The following ADGB variants were observed in gnomAD, a reference collection of about 807,000 sequenced individuals.
ADGB encodes the protein androglobin.
In ADGB, 172 loss-of-function variants were observed where a neutral mutation model predicts 210.5. The observed-to-expected ratio is 0.82, with a 90% CI of 0.72 to 0.93. ADGB has a LOEUF of 0.93. Ranked by LOEUF, ADGB falls within the 40% of genes least tolerant of loss-of-function variation. The probability of loss-of-function intolerance (pLI) is 0.00; values close to 1 mark genes in which losing one functional copy is unlikely to be tolerated. For missense variants in ADGB, 2,025 were observed against 1,964.8 expected, an observed-to-expected ratio of 1.03 and a Z score of -0.58; for synonymous variants, 658 against 662.7, an observed-to-expected ratio of 0.99 and a Z score of 0.11.
chr6:146,761,793 A>T (rs1777493585), intron 27 of ADGB, among the ~76,000 whole-genome samples: 1 of 152,102 alleles, frequency 6.6e-6, no homozygotes, highest in African/African-American at 2.4e-5. Context: ...ATGAACATTC[A>T]TTCCCTTACA....
intron 2 of ADGB, chr6:146,638,961 T>C (rs915211839): frequency 6.6e-6 from 1 of 151,974 alleles, no homozygotes; most frequent in Non-Finnish European, 1.5e-5. Context: ...ATCCTTGCTG[T>C]TGTGCAAGCC....
chr6:146,700,146 TAGTGAGCCTTTGAA>T (rs1315963458), intron 12 of ADGB, among the ~76,000 whole-genome samples: 3 of 152,206 alleles, frequency 2.0e-5, no homozygotes, highest in African/African-American at 7.2e-5. Context: ...GCCTGTTTTT[TAGTGAGCCTTTGAA>T]AGTGACTGCT....
chr6:146,732,903 C>T (rs554086908), intron 20 of ADGB, among the ~76,000 whole-genome samples: 7 of 152,048 alleles, frequency 4.6e-5, no homozygotes, highest in East Asian at 1.9e-4. Flanking sequence ...ATATTATAAA[C>T]GTTGTAGTGA....
intron 25 of ADGB, 78 bp downstream of exon 25, chr6:146,741,349 G>T: frequency 1.5e-6 from 2 of 1,366,992 alleles, no homozygotes; most frequent in Non-Finnish European, 2.0e-6. Flanking sequence ...CCTGAAGGGA[G>T]GGTAGAGTTG....
At position 146,644,805 on chromosome 6, in the gene ADGB, G is replaced by A; in HGVS notation, c.270G>A (p.Glu90=). Residue 90 remains glutamate (E), a synonymous_variant, in exon 3 of 36, where the codon GAG becomes GAA. Transcript: ENST00000397944. ...HFFEDPEGKI[E]LPPSLKIYSW... The stretch of plus-strand genomic sequence containing the variant: ...TTGAGGACCCTGAAGGAAAGATTGA[G>A]TTACCACCATCCTTGAAAATTTATT... 1 of 1,488,496 alleles carries A rather than the reference G, an allele frequency of 6.7e-7. No homozygotes were observed. The highest frequency in any genetic ancestry group is 1.4e-5 in the South Asian group (1 of 69,686). The allele number at this position is 1,488,496 out of a possible 1,614,324, so 92.2% of individuals were successfully genotyped here.
chr6:146,770,129 TG>T (rs1777629955), intron 29 of ADGB, among the ~76,000 whole-genome samples: 5 of 152,196 alleles, frequency 3.3e-5, no homozygotes, highest in Admixed American at 3.3e-4. Context: ...CAATATTAGC[TG>T]AATGAGTAAA....
In ADGB at chr6:146,654,512, C is replaced by T. The variant is rs1272300493; in HGVS notation, c.402+306C>T. 3.3e-5 allele frequency among the ~76,000 whole-genome samples: 5 copies of T among 152,024 alleles called. No individual in the cohort carries two copies. In the East Asian group the frequency reaches 5.8e-4, roughly 18 times the overall value. ...GGACTACAGGGATGTGCCATCTCCC[C>T]CAGCTAATTTTAAATTTTTTGGTAG... is the stretch of plus-strand genomic sequence containing the variant. On this transcript the variant is annotated intron_variant, in intron 4 of 35. Coordinates refer to ENST00000397944, the MANE Select transcript of ADGB (RefSeq NM_024694.4).
chr6:146,617,137 G>A (rs1410173666), intron 1 of ADGB, among the ~76,000 whole-genome samples: 2 of 151,622 alleles, frequency 1.3e-5, no homozygotes, highest in Non-Finnish European at 2.9e-5. Context: ...GTGTTTTTTA[G>A]TTTTCTTTGT....
chr6:146,668,084 C>T lies in ADGB; in HGVS notation c.839+1182C>T, dbSNP rs550914223. 5.9e-5 allele frequency among the ~76,000 whole-genome samples: 9 copies of T among 152,104 alleles called. No homozygotes were observed. In the South Asian group the frequency reaches 6.2e-4, roughly 11 times the overall value. ...AACTTAGTGCTGACTTATAATTTCA[C>T]GATCGTTTTATTTAATACATAAGGA... is the stretch of plus-strand genomic sequence containing the variant. On this transcript the variant is annotated intron_variant, in intron 7 of 35. Transcript: ENST00000397944.
chr6:146,784,649 C>T lies in ADGB; in HGVS notation c.4067C>T (p.Pro1356Leu). ...ACTGTTCACCCTCAACAAGAAGACC[C>T]AAATAAACCCTACTGGATTTTGAGG... ...ISTVHPQQED[P>L]NKPYWILRLV... is the part of the protein sequence containing the mutation. The change falls in exon 31 of 36, where the codon CCA becomes CTA. Residue 1356 changes from proline to leucine, a missense_variant. Physicochemically the swap from Pro to Leu is moderately conservative, Grantham distance 98. Coordinates refer to ENST00000397944, the MANE Select transcript of ADGB (RefSeq NM_024694.4). 2.6e-6 allele frequency: 4 copies of T among 1,549,522 alleles called. No homozygotes were observed. The highest frequency in any genetic ancestry group is 1.7e-4 in the Middle Eastern group (1 of 5,980).
At position 146,691,428 on chromosome 6, in the gene ADGB, A is replaced by ATTTATATATATATT. The variant is rs1245402991; in HGVS notation, c.1486+139_1486+140insTTATATATATATTT. 7.6e-5 allele frequency: 3 copies of ATTTATATATATATT among 39,692 alleles called. No individual in the cohort carries two copies. The East Asian group carries it at 1.8e-3, about 24-fold the overall frequency. 2.5% of individuals were successfully genotyped at this position (39,692 alleles called of 1,614,324 possible). On this transcript the variant is annotated intron_variant, in intron 11 of 35. Transcript: ENST00000397944. ...CTATGTTTAATATATATATATATATATATATATATATATAAAAATATATAT... is the reference window on the plus strand; with the variant it reads ...CTATGTTTAATATATATATATATATATTTATATATATATTTATATATATATATAAAAATATATAT...
chr6:146,787,547 G>C (rs998762145), intron 32 of ADGB, among the ~76,000 whole-genome samples: 2 of 151,668 alleles, frequency 1.3e-5, no homozygotes, highest in African/African-American at 2.4e-5. Flanking sequence ...TCCTCAATCA[G>C]TCTTGCTCTA....
At chr6:146,675,821 A>G (rs1257050145) in intron 8 of ADGB, among the ~76,000 whole-genome samples, 1 of 152,180 alleles carries the variant, frequency 6.6e-6, no homozygotes, top group Non-Finnish European at 1.5e-5. Flanking sequence ...AGGCAATAAG[A>G]TGCTGGTTTG....
chr6:146,692,394 T>C (rs1166223645), intron 11 of ADGB, among the ~76,000 whole-genome samples: 1 of 152,182 alleles, frequency 6.6e-6, no homozygotes, highest in Non-Finnish European at 1.5e-5. Flanking sequence ...TGCTACAGTT[T>C]TTGTTCTTCC....
At chr6:146,776,208 G>A (rs1462755967) in intron 29 of ADGB, among the ~76,000 whole-genome samples, 1 of 151,902 alleles carries the variant, frequency 6.6e-6, no homozygotes, top group East Asian at 1.9e-4. Flanking sequence ...TCCTCTAGAG[G>A]TCTTCTGATT....
At chr6:146,758,185 TAGATA>T (rs1777437030) in intron 27 of ADGB, among the ~76,000 whole-genome samples, 1 of 152,116 alleles carries the variant, frequency 6.6e-6, no homozygotes, top group South Asian at 2.1e-4. Flanking sequence ...GTTTTTTCTT[TAGATA>T]TGTTAAGACC....
At chr6:146,637,732 C>A (rs1435367159) in intron 2 of ADGB, among the ~76,000 whole-genome samples, 5 of 151,984 alleles carry the variant, frequency 3.3e-5, no homozygotes, top group African/African-American at 4.8e-5. Context: ...ACATCATTAT[C>A]TAGAGCCCAT....
At chr6:146,754,278 A>G (rs1442498194) in intron 27 of ADGB, among the ~76,000 whole-genome samples, 1 of 151,262 alleles carries the variant, frequency 6.6e-6, no homozygotes, top group Non-Finnish European at 1.5e-5. Context: ...ATTCCTAATC[A>G]GACTTTTTTG....
intron 20 of ADGB, among the ~76,000 whole-genome samples, chr6:146,730,766 C>T (rs533328355): frequency 1.4e-3 from 212 of 152,226 alleles, no homozygotes; most frequent in Non-Finnish European, 1.8e-3. Flanking sequence ...TGGTGAAACT[C>T]CATCTCTACT....
Sources: allele counts gnomAD v4.1 joint callset (sites outside exome capture counted in the v4.1 genomes callset), GRCh38; gene constraint gnomAD v4.1.1; transcripts MANE v1.5; gene names NCBI Gene and HGNC (gene_info 2026-07-23, HGNC 2026-07-21).